Variants in CHRM3 observed in about 807,000 individuals in gnomAD.
The protein encoded by CHRM3 is muscarinic acetylcholine receptor M3.
In CHRM3, 11 loss-of-function variants were observed where a neutral mutation model predicts 41.8. The observed-to-expected ratio is 0.26, with a 90% CI of 0.17 to 0.44. The LOEUF is 0.44. Among genes scored for constraint, CHRM3 ranks in the 20% least tolerant of loss-of-function variants. The probability of loss-of-function intolerance (pLI) is 1.00; values close to 1 mark genes in which losing one functional copy is unlikely to be tolerated. For synonymous variants in CHRM3, 297 were observed against 301.4 expected, an observed-to-expected ratio of 0.99 and a Z score of 0.15; for missense variants, 571 against 745.4, an observed-to-expected ratio of 0.77 and a Z score of 2.72.
chr1:239,408,530 A>C (rs1311465919), intron 1 of CHRM3, among the ~76,000 whole-genome samples: 4 of 150,926 alleles, frequency 2.7e-5, no homozygotes, highest in African/African-American at 9.7e-5. Context: ...TCAAAAAAAA[A>C]AAAAAAAAAA....
chr1:239,529,628 A>C (rs866736804), intron 2 of CHRM3, among the ~76,000 whole-genome samples: 1,338 of 46,762 alleles, frequency 0.029, 23 homozygotes, highest in African/African-American at 0.061. Context: ...AAAAAAAAAA[A>C]AAACAAACAA....
intron 3 of CHRM3, among the ~76,000 whole-genome samples, chr1:239,555,533 G>A (rs563124540): frequency 1.8e-4 from 27 of 152,132 alleles, no homozygotes; most frequent in Non-Finnish European, 2.2e-4. Context: ...CATAAGGCAC[G>A]CCAGCAGTGT....
At position 239,529,908 on chromosome 1, in the gene CHRM3, T is replaced by C. The variant is rs77039693; in HGVS notation, c.-421-15733T>C. Among the ~76,000 whole-genome samples, 46 of 151,794 alleles carry C rather than the reference T, an allele frequency of 3.0e-4. 1 individual carries two copies. The South Asian group carries it at 9.2e-3, about 30-fold the overall frequency. ...CACAATTTATTATTATTATTATTATTTTTTTTTGAGACAGAGTCTCGCTCT... is the reference window on the plus strand; with the variant it reads ...CACAATTTATTATTATTATTATTATCTTTTTTTGAGACAGAGTCTCGCTCT... On this transcript the variant is annotated intron_variant, in intron 2 of 6. Transcript: ENST00000676153.
chr1:239,868,914 C>T (rs552593051), intron 6 of CHRM3, among the ~76,000 whole-genome samples: 8 of 152,246 alleles, frequency 5.3e-5, no homozygotes, highest in South Asian at 2.1e-4. Context: ...GTCTGCTTCA[C>T]GTGAAATAAA....
intron 5 of CHRM3, among the ~76,000 whole-genome samples, chr1:239,756,970 C>T (rs1260279977): frequency 2.0e-5 from 3 of 152,074 alleles, no homozygotes; most frequent in Admixed American, 6.6e-5. Flanking sequence ...ACAAGTGACT[C>T]GTGATCACTG....
chr1:239,802,403 G>C (rs1435685535), intron 5 of CHRM3, among the ~76,000 whole-genome samples: 1 of 152,134 alleles, frequency 6.6e-6, no homozygotes, highest in Non-Finnish European at 1.5e-5. Flanking sequence ...TACAGCAGGA[G>C]CTGAAAACAT....
At chr1:239,902,131 A>T (rs1679629689) in intron 6 of CHRM3, among the ~76,000 whole-genome samples, 1 of 152,162 alleles carries the variant, frequency 6.6e-6, no homozygotes, top group African/African-American at 2.4e-5. Flanking sequence ...AAAGCAAAAA[A>T]TGAGGAAACA....
chr1:239,726,701 T>A (rs1663471629), intron 5 of CHRM3, among the ~76,000 whole-genome samples: 1 of 151,920 alleles, frequency 6.6e-6, no homozygotes, highest in South Asian at 2.1e-4. Context: ...TGTAAAATCC[T>A]TAACAACCGC....
chr1:239,571,329 A>C (rs79951471), intron 3 of CHRM3, among the ~76,000 whole-genome samples: 4,672 of 152,100 alleles, frequency 0.031, 261 homozygotes, highest in African/African-American at 0.11. Context: ...GCAAGGAAAC[A>C]GTGCAAAAAA....
chr1:239,554,729 C>CTTTT (rs750207504), intron 3 of CHRM3, among the ~76,000 whole-genome samples: 24 of 122,944 alleles, frequency 2.0e-4, no homozygotes, highest in South Asian at 5.3e-4. Flanking sequence ...GTATTTCTTT[C>CTTTT]TTTTTTTTTT....
chr1:239,607,035 T>C (rs1215018321), intron 3 of CHRM3, among the ~76,000 whole-genome samples: 3 of 152,204 alleles, frequency 2.0e-5, no homozygotes, highest in Non-Finnish European at 4.4e-5. Context: ...AAGTGAAATT[T>C]ATTTAAGTGA....
At chr1:239,511,244 C>A (rs1291371266) in intron 2 of CHRM3, among the ~76,000 whole-genome samples, 1 of 152,156 alleles carries the variant, frequency 6.6e-6, no homozygotes, top group Non-Finnish European at 1.5e-5. Context: ...CTTTCTAATA[C>A]TACCAATAAT....
intron 1 of CHRM3, among the ~76,000 whole-genome samples, chr1:239,413,033 C>T (rs1433265448): frequency 6.6e-6 from 1 of 151,510 alleles, no homozygotes. Context: ...AGCCGAGATC[C>T]CGTCACTCCA....
At chr1:239,820,055 C>T (rs1297032078) in intron 5 of CHRM3, among the ~76,000 whole-genome samples, 1 of 152,182 alleles carries the variant, frequency 6.6e-6, no homozygotes, top group Non-Finnish European at 1.5e-5. Context: ...GTAATTCACA[C>T]AACCTGTTTC....
chr1:239,825,064 C>G (rs1412694024), intron 5 of CHRM3, among the ~76,000 whole-genome samples: 1 of 152,222 alleles, frequency 6.6e-6, no homozygotes, highest in Non-Finnish European at 1.5e-5. Flanking sequence ...CACTGGGTTA[C>G]AGTGGTGGGC....
At chr1:239,568,497 C>A (rs116636815) in intron 3 of CHRM3, among the ~76,000 whole-genome samples, 5,129 of 152,198 alleles carry the variant, frequency 0.034, 105 homozygotes, top group Middle Eastern at 0.058. Context: ...TATTAAACTT[C>A]TTTTTCTTTA....
chr1:239,740,687 A>T (rs1256612894), intron 5 of CHRM3, among the ~76,000 whole-genome samples: 1 of 152,086 alleles, frequency 6.6e-6, no homozygotes, highest in Non-Finnish European at 1.5e-5. Context: ...TTCAAAGAAG[A>T]CATTTATGTG....
At chr1:239,415,496 G>A (rs191120358) in intron 1 of CHRM3, among the ~76,000 whole-genome samples, 4 of 152,114 alleles carry the variant, frequency 2.6e-5, no homozygotes, top group African/African-American at 9.6e-5. Flanking sequence ...ATTAAATTAA[G>A]ATAAATTAAG....
Position 239,908,717 on chromosome 1 carries a change from A to T in CHRM3, c.1266A>T (p.Lys422Asn). 6.2e-7 allele frequency: 1 copy of T among 1,612,964 alleles called. No homozygotes were observed. Among genetic ancestry groups the T allele is most frequent in the South Asian group, 1.1e-5 (1 of 90,794 alleles). ...KSVDDGGSFP[K>N]SFSKLPIQLE... Reference sequence around the variant, plus strand: ...TGGACGATGGAGGCAGTTTTCCAAAAAGCTTCTCCAAGCTTCCCATCCAGC... The same window carrying T: ...TGGACGATGGAGGCAGTTTTCCAAATAGCTTCTCCAAGCTTCCCATCCAGC... Residue 422 changes from lysine to asparagine, a missense_variant, in exon 7 of 7, where the codon AAA becomes AAT. Lys to Asn is a moderately conservative substitution (Grantham distance 94). Transcript: ENST00000676153. This position sits in a 1 kb window ranked among gnomAD's most constrained non-coding sequence, Gnocchi z 7.2.
Sources: allele counts gnomAD v4.1 joint callset (sites outside exome capture counted in the v4.1 genomes callset), GRCh38; gene constraint gnomAD v4.1.1; non-coding constraint Gnocchi (gnomAD v3.1); transcripts MANE v1.5; gene names NCBI Gene and HGNC (gene_info 2026-07-23, HGNC 2026-07-21).